KCNC2: variants seen among roughly 807,000 people sequenced by gnomAD.
KCNC2 encodes the protein voltage-gated potassium channel KCNC2.
KCNC2 carries 21 observed loss-of-function variants against 44.5 expected under a neutral mutation model. The observed-to-expected ratio is 0.47, with a 90% CI of 0.33 to 0.68. The LOEUF is 0.68. Among genes scored for constraint, KCNC2 ranks in the 30% least tolerant of loss-of-function variants. KCNC2 has a pLI of 0.01. For missense variants in KCNC2, 589 were observed against 826.2 expected (o/e 0.71, Z 3.52); for synonymous variants, 391 against 339.1 (o/e 1.15, Z -1.68).
At chr12:75,116,885 C>T (rs1391004961) in intron 2 of KCNC2, among the ~76,000 whole-genome samples, 1 of 152,184 alleles carries the variant, frequency 6.6e-6, no homozygotes. Context: ...AAGAAAACAG[C>T]TTTGCGTTCA....
At chr12:75,203,457 A>G (rs1378585418) in intron 2 of KCNC2, among the ~76,000 whole-genome samples, 3 of 151,898 alleles carry the variant, frequency 2.0e-5, no homozygotes, top group Admixed American at 2.0e-4. Context: ...CAATCCCTGT[A>G]TGATGCAGAA....
chr12:75,110,362 G>C (rs1565863317), intron 2 of KCNC2, among the ~76,000 whole-genome samples: 1 of 152,134 alleles, frequency 6.6e-6, no homozygotes, highest in Non-Finnish European at 1.5e-5. Context: ...AAAATACTAA[G>C]AGATAGAAGC....
chr12:75,053,944 C>T (rs1371342676), intron 2 of KCNC2, among the ~76,000 whole-genome samples: 1 of 151,252 alleles, frequency 6.6e-6, no homozygotes, highest in East Asian at 2.0e-4. Flanking sequence ...CCAGAGAGGC[C>T]AGGCGCGGTG....
chr12:75,138,130 G>A (rs568697106), intron 2 of KCNC2, among the ~76,000 whole-genome samples: 2 of 152,252 alleles, frequency 1.3e-5, no homozygotes, highest in Admixed American at 1.3e-4. Flanking sequence ...GTTTATTTTA[G>A]GAGGATTGCA....
chr12:75,149,703 C>T (rs1048855372), intron 2 of KCNC2, among the ~76,000 whole-genome samples: 12 of 150,842 alleles, frequency 8.0e-5, no homozygotes, highest in African/African-American at 2.2e-4. Flanking sequence ...TAAAGTAACA[C>T]TGAAAGGATC....
chr12:75,186,008 T>G (rs192313183), intron 2 of KCNC2, among the ~76,000 whole-genome samples: 1 of 151,224 alleles, frequency 6.6e-6, no homozygotes, highest in East Asian at 1.9e-4. Context: ...ACTGTGCCAT[T>G]GCACTCCAGC....
At chr12:75,115,186 C>G (rs1887572426) in intron 2 of KCNC2, among the ~76,000 whole-genome samples, 1 of 152,114 alleles carries the variant, frequency 6.6e-6, no homozygotes. Flanking sequence ...TGATGACTAG[C>G]TCTGTATTCA....
At chr12:75,146,866 C>T (rs114615950) in intron 2 of KCNC2, among the ~76,000 whole-genome samples, 113 of 152,042 alleles carry the variant, frequency 7.4e-4, no homozygotes, top group African/African-American at 2.6e-3. Context: ...ATGTGATTCC[C>T]GAGGAAACAC....
In KCNC2 at chr12:75,080,104, A is replaced by T. The variant is rs1228793053; in HGVS notation, c.688-28787T>A. Among the ~76,000 whole-genome samples, 3 of 152,152 alleles carry T rather than the reference A, an allele frequency of 2.0e-5. No individual in the cohort carries two copies. In the East Asian group the frequency reaches 5.8e-4, roughly 29 times the overall value. On this transcript the variant is annotated intron_variant, in intron 2 of 4. Transcript: ENST00000549446. ...AATTTTATTTTTTTAACTTCAAAAT[A>T]TATTGTCTTTTTTCTTCCTGTTTTC...
chr12:75,178,531 T>C (rs1347258277), intron 2 of KCNC2, among the ~76,000 whole-genome samples: 1 of 152,056 alleles, frequency 6.6e-6, no homozygotes, highest in Non-Finnish European at 1.5e-5. Context: ...TCATTGTAGA[T>C]TGAAACATAC....
chr12:75,089,521 A>C (rs1180826667), intron 2 of KCNC2, among the ~76,000 whole-genome samples: 1 of 151,910 alleles, frequency 6.6e-6, no homozygotes, highest in Non-Finnish European at 1.5e-5. Context: ...ATGATTTATA[A>C]ATTTTAAAAT....
chr12:75,193,297 T>C (rs1445981933), intron 2 of KCNC2, among the ~76,000 whole-genome samples: 2 of 151,980 alleles, frequency 1.3e-5, no homozygotes, highest in Non-Finnish European at 2.9e-5. Context: ...ATAAAGCAAA[T>C]AGGATGAAAA....
At chr12:75,163,349 G>T (rs1274134609) in intron 2 of KCNC2, among the ~76,000 whole-genome samples, 2 of 151,646 alleles carry the variant, frequency 1.3e-5, no homozygotes, top group Non-Finnish European at 3.0e-5. Flanking sequence ...GTATTATTGT[G>T]GAATCATTAT....
chr12:75,177,755 G>T (rs1160854131), intron 2 of KCNC2, among the ~76,000 whole-genome samples: 2 of 151,814 alleles, frequency 1.3e-5, no homozygotes, highest in Non-Finnish European at 2.9e-5. Context: ...AAATTTTATT[G>T]TTTAAATTGA....
At chr12:75,049,062 G>C (rs758116815) in intron 3 of KCNC2, among the ~76,000 whole-genome samples, 59 of 152,168 alleles carry the variant, frequency 3.9e-4, no homozygotes, top group Admixed American at 7.2e-4. Context: ...AGTTTGATGA[G>C]AGCAGCAACA....
intron 2 of KCNC2, among the ~76,000 whole-genome samples, chr12:75,182,527 AAAAAAAAAAACAAAAAAAAC>A (rs1376384962): frequency 1.4e-4 from 19 of 139,880 alleles, no homozygotes; most frequent in African/African-American, 4.8e-4. Context: ...TCTCAAAAAA[AAAAAAAAAAACAAAAAAAAC>A]AAAAAAAAAC....
chr12:75,156,526 TTTAAAG>T lies in KCNC2; in HGVS notation c.687+50765_687+50770del, dbSNP rs536618121. Among the ~76,000 whole-genome samples, 49 of 151,990 alleles carry T rather than the reference TTTAAAG, an allele frequency of 3.2e-4. 1 individual carries two copies. In the South Asian group the frequency reaches 3.3e-3, roughly 10 times the overall value. On this transcript the variant is annotated intron_variant, in intron 2 of 4. Coordinates refer to ENST00000549446, the MANE Select transcript of KCNC2 (RefSeq NM_139137.4). ...TACAGAAAAAGTGTATTGACCCTGCTTTAAAGTCAATAGGTATTAAATTCAAATCTT... is the reference window on the plus strand; with the variant it reads ...TACAGAAAAAGTGTATTGACCCTGCTTCAATAGGTATTAAATTCAAATCTT...
Position 75,041,540 on chromosome 12 carries a change from T to C in KCNC2, c.*1565A>G, listed in dbSNP as rs1879903616. 2.7e-6 allele frequency: 3 copies of C among 1,119,664 alleles called. No individual in the cohort carries two copies. The South Asian group carries it at 7.3e-5, about 27-fold the overall frequency. The allele number at this position is 1,119,664 out of a possible 1,614,324, so 69.4% of individuals were successfully genotyped here. On this transcript the variant is annotated 3_prime_UTR_variant, in exon 5 of 5. Transcript: ENST00000549446. Reference sequence around the variant, plus strand: ...GATATTATTTATCCCTCTATTTATATTACGGTCTTTTTCTTCCCTCACATG... The same window carrying C: ...GATATTATTTATCCCTCTATTTATACTACGGTCTTTTTCTTCCCTCACATG...
At chr12:75,139,240 A>G (rs1340608958) in intron 2 of KCNC2, among the ~76,000 whole-genome samples, 1 of 152,174 alleles carries the variant, frequency 6.6e-6, no homozygotes, top group Non-Finnish European at 1.5e-5. Flanking sequence ...TGCTGCACAA[A>G]AAAAGCAGTC....
Sources: gnomAD v4.1 joint callset for allele counts (sites outside exome capture counted in the v4.1 genomes callset) on GRCh38, gnomAD v4.1.1 for gene constraint, MANE v1.5 for transcripts, NCBI Gene and HGNC (gene_info 2026-07-23, HGNC 2026-07-21) for gene names.